The following HS3ST4 variants were observed in gnomAD, a reference collection of about 807,000 sequenced individuals.
The protein encoded by HS3ST4 is heparan sulfate-glucosamine 3-sulfotransferase 4, also known as heparan sulfate glucosamine 3-O-sulfotransferase 4.
In HS3ST4, 17 loss-of-function variants were observed where a neutral mutation model predicts 29.2. The ratio of observed to expected loss-of-function variants is 0.58; its 90% CI spans 0.40 to 0.87. The LOEUF (loss-of-function observed/expected upper bound fraction) is 0.87. HS3ST4 is among the 40% of genes least tolerant of loss of function. The probability of loss-of-function intolerance (pLI) is 0.00; values close to 1 mark genes in which losing one functional copy is unlikely to be tolerated. For synonymous variants in HS3ST4, 314 were observed against 285.7 expected, an observed-to-expected ratio of 1.10 and a Z score of -1.00; for missense variants, 627 against 634.5, an observed-to-expected ratio of 0.99 and a Z score of 0.13.
At chr16:26,101,004 C>G (rs533747208) in intron 1 of HS3ST4, among the ~76,000 whole-genome samples, 1 of 152,318 alleles carries the variant, frequency 6.6e-6, no homozygotes, top group South Asian at 2.1e-4. Flanking sequence ...ACATTACCAT[C>G]TGCCCCGTTA....
chr16:25,954,428 C>A (rs577691267), intron 1 of HS3ST4, among the ~76,000 whole-genome samples: 1 of 152,178 alleles, frequency 6.6e-6, no homozygotes, highest in African/African-American at 2.4e-5. Context: ...ATCACACTGA[C>A]CACTCCTTAA....
chr16:25,702,856 A>G (rs35854264), intron 1 of HS3ST4, among the ~76,000 whole-genome samples: 86,922 of 151,750 alleles, frequency 0.57, 26,097 homozygotes, highest in Non-Finnish European at 0.68. Context: ...GAGTTGAGCT[A>G]GCGGCTCAAC....
At chr16:26,124,110 G>A (rs1007740373) in intron 1 of HS3ST4, among the ~76,000 whole-genome samples, 4 of 152,126 alleles carry the variant, frequency 2.6e-5, no homozygotes, top group Middle Eastern at 3.4e-3. Flanking sequence ...AGTAGAGACG[G>A]GGTTTCTCCA....
chr16:25,878,698 G>A (rs1281245803), intron 1 of HS3ST4, among the ~76,000 whole-genome samples: 1 of 152,134 alleles, frequency 6.6e-6, no homozygotes, highest in Admixed American at 6.5e-5. Context: ...TTCATGTTAT[G>A]TAATTCAGCC....
chr16:25,867,186 T>C (rs113062527), intron 1 of HS3ST4, among the ~76,000 whole-genome samples: 1 of 151,068 alleles, frequency 6.6e-6, no homozygotes, highest in Non-Finnish European at 1.5e-5. Flanking sequence ...AAACCTTATG[T>C]CCACCCCAGA....
intron 1 of HS3ST4, among the ~76,000 whole-genome samples, chr16:25,757,411 T>C (rs905439692): frequency 1.3e-5 from 2 of 152,110 alleles, no homozygotes; most frequent in African/African-American, 4.8e-5. Context: ...TATTGCACTT[T>C]GCAGATATTG....
chr16:25,801,168 T>A (rs1415538568), intron 1 of HS3ST4, among the ~76,000 whole-genome samples: 1 of 152,084 alleles, frequency 6.6e-6, no homozygotes, highest in African/African-American at 2.4e-5. Context: ...ACCACTGTTA[T>A]ATACGCACAC....
chr16:26,069,120 T>A (rs747383827), intron 1 of HS3ST4, among the ~76,000 whole-genome samples: 3 of 152,126 alleles, frequency 2.0e-5, no homozygotes, highest in Non-Finnish European at 4.4e-5. Flanking sequence ...CCCAGCTAAT[T>A]TTTGCATTTT....
At chr16:26,112,632 T>A (rs1596685607) in intron 1 of HS3ST4, among the ~76,000 whole-genome samples, 1 of 152,016 alleles carries the variant, frequency 6.6e-6, no homozygotes, top group South Asian at 2.1e-4. Flanking sequence ...GCAGTCTATA[T>A]GAAAGAGAAT....
intron 1 of HS3ST4, among the ~76,000 whole-genome samples, chr16:25,732,091 T>C (rs1966573153): frequency 6.6e-6 from 1 of 152,174 alleles, no homozygotes; most frequent in African/African-American, 2.4e-5. Context: ...GTCTGACAAT[T>C]GCTTTAGTCA....
At chr16:25,794,628 T>C (rs2141621219) in intron 1 of HS3ST4, among the ~76,000 whole-genome samples, 1 of 152,230 alleles carries the variant, frequency 6.6e-6, no homozygotes, top group East Asian at 1.9e-4. Context: ...ACAGTTAATC[T>C]TTTTCCCCTG....
At chr16:25,708,518 A>G (rs1306736363) in intron 1 of HS3ST4, among the ~76,000 whole-genome samples, 1 of 152,242 alleles carries the variant, frequency 6.6e-6, no homozygotes, top group Non-Finnish European at 1.5e-5. Flanking sequence ...GACTATCTAA[A>G]TATGGACAAA....
At chr16:26,106,557 C>T (rs923585503) in intron 1 of HS3ST4, among the ~76,000 whole-genome samples, 1 of 152,206 alleles carries the variant, frequency 6.6e-6, no homozygotes, top group Admixed American at 6.5e-5. Flanking sequence ...GATTTATAGT[C>T]ATGCAGCTCA....
At chr16:26,000,482 T>C (rs183610031) in intron 1 of HS3ST4, among the ~76,000 whole-genome samples, 50 of 152,290 alleles carry the variant, frequency 3.3e-4, no homozygotes, top group Non-Finnish European at 5.4e-4. Context: ...TTGATTGCAT[T>C]TCTGTGACTA....
At chr16:26,034,049 G>C (rs566978375) in intron 1 of HS3ST4, among the ~76,000 whole-genome samples, 5 of 152,160 alleles carry the variant, frequency 3.3e-5, no homozygotes, top group Non-Finnish European at 7.4e-5. Context: ...GGCCCTAGGT[G>C]ACCCCAGGAA....
intron 1 of HS3ST4, among the ~76,000 whole-genome samples, chr16:25,977,107 G>A (rs1436642865): frequency 6.6e-6 from 1 of 152,136 alleles, no homozygotes; most frequent in Non-Finnish European, 1.5e-5. Context: ...ATGTGGCACA[G>A]ACTAAGTGCT....
intron 1 of HS3ST4, among the ~76,000 whole-genome samples, chr16:25,982,361 G>A (rs191998988): frequency 3.3e-5 from 5 of 152,254 alleles, no homozygotes; most frequent in South Asian, 2.1e-4. Context: ...TTGTTAAAAT[G>A]CCTTGAGTCA....
At chr16:25,778,762 A>G (rs1452992082) in intron 1 of HS3ST4, among the ~76,000 whole-genome samples, 2 of 151,910 alleles carry the variant, frequency 1.3e-5, no homozygotes, top group Non-Finnish European at 2.9e-5. Flanking sequence ...GGAGGAGGAG[A>G]AGAAGGAGAA....
chr16:25,906,540 G>A (rs1968182772), intron 1 of HS3ST4, among the ~76,000 whole-genome samples: 1 of 151,986 alleles, frequency 6.6e-6, no homozygotes, highest in Admixed American at 6.6e-5. Context: ...ATTCCACTGA[G>A]GGAAGAAAGT....
Sources: gnomAD v4.1 joint callset for allele counts (sites outside exome capture counted in the v4.1 genomes callset) on GRCh38, gnomAD v4.1.1 for gene constraint, MANE v1.5 for transcripts, NCBI Gene and HGNC (gene_info 2026-07-23, HGNC 2026-07-21) for gene names.